The following ZNF567 variants were observed in gnomAD, a reference collection of about 807,000 sequenced individuals.
ZNF567 encodes zinc finger protein 567.
Under a neutral mutation model 53.9 loss-of-function variants are expected in ZNF567, and 36 were observed. That is an observed-to-expected ratio of 0.67 (90% CI 0.51 to 0.88). The LOEUF is 0.88. ZNF567 is among the 40% of genes least tolerant of loss of function. The pLI is 0.00. For synonymous variants in ZNF567, 224 were observed against 260.4 expected (o/e 0.86, Z 1.35); for missense variants, 619 against 764.7 (o/e 0.81, Z 2.25).
chr19:36,720,414 C>T lies in ZNF567; in HGVS notation c.1690C>T (p.Pro564Ser). 2 of 1,614,002 alleles carry T rather than the reference C, an allele frequency of 1.2e-6. No individual in the cohort carries two copies. The highest frequency in any genetic ancestry group is 1.3e-5 in the African/African-American group (1 of 74,998). Residue 564 changes from proline (P) to serine (S), a missense_variant, in exon 6 of 6, where the codon CCT (proline) becomes TCT (serine). Pro to Ser is a moderately conservative substitution (Grantham distance 74, BLOSUM62 -1). Coordinates refer to ENST00000682579, the MANE Select transcript of ZNF567 (RefSeq NM_001322917.1). Reference protein sequence around the residue: ...IHTGQKSYECPQCGKAFSRKS... With the variant: ...IHTGQKSYECSQCGKAFSRKS... ...TACCGGCCAGAAATCCTATGAATGT[C>T]CTCAGTGTGGGAAAGCCTTTAGCAG...
intron 3 of ZNF567, among the ~76,000 whole-genome samples, chr19:36,702,432 T>C (rs1055917436): frequency 9.2e-5 from 14 of 151,858 alleles, no homozygotes; most frequent in Non-Finnish European, 1.9e-4. Flanking sequence ...GGAGTATCTT[T>C]GTGGCATTCT....
downstream of ZNF567, among the ~76,000 whole-genome samples, chr19:36,724,565 C>T (rs1014406554): frequency 6.6e-6 from 1 of 151,684 alleles, no homozygotes; most frequent in East Asian, 2.0e-4. Flanking sequence ...GCCTGTAATC[C>T]CAGCTACTCT....
chr19:36,696,503 C>T (rs530344779), intron 3 of ZNF567, among the ~76,000 whole-genome samples: 1 of 152,268 alleles, frequency 6.6e-6, no homozygotes, highest in South Asian at 2.1e-4. Flanking sequence ...CTCCTTCTGC[C>T]CATCCTATCC....
chr19:36,712,998 TG>T (rs1417700114), intron 5 of ZNF567, 131 bp downstream of exon 5: 6 of 709,772 alleles, frequency 8.5e-6, no homozygotes, highest in Admixed American at 3.1e-5. Flanking sequence ...AAAACCTTCA[TG>T]CCTATAAAAC....
chr19:36,689,488 A>G lies in ZNF567; in HGVS notation c.-76A>G, dbSNP rs899549761. 2.6e-5 allele frequency: 4 copies of G among 152,120 alleles called. No homozygotes were observed. The highest frequency in any genetic ancestry group is 9.7e-5 in the African/African-American group (4 of 41,406). 9.4% of individuals were successfully genotyped at this position (152,120 alleles called of 1,614,324 possible). ...AGAGGCTAACATGACTGATACCACT[A>G]TAATTTAGTGTAAGTCATCTCTTAC... On this transcript the variant is annotated 5_prime_UTR_variant, in exon 2 of 6. Coordinates refer to ENST00000682579, the MANE Select transcript of ZNF567 (RefSeq NM_001322917.1).
intron 3 of ZNF567, among the ~76,000 whole-genome samples, chr19:36,702,976 G>C (rs924703437): frequency 6.6e-6 from 1 of 151,552 alleles, no homozygotes; most frequent in African/African-American, 2.4e-5. Context: ...GAGGAACTGT[G>C]TTCCTTTGGA....
intron 5 of ZNF567, among the ~76,000 whole-genome samples, chr19:36,714,721 A>G (rs2039959502): frequency 6.6e-6 from 1 of 152,178 alleles, no homozygotes; most frequent in East Asian, 1.9e-4. Flanking sequence ...ATGGCTTTTC[A>G]TCATTCCTGC....
chr19:36,706,592 C>A (rs2039499492), intron 3 of ZNF567, among the ~76,000 whole-genome samples: 1 of 151,760 alleles, frequency 6.6e-6, no homozygotes, highest in Non-Finnish European at 1.5e-5. Flanking sequence ...CTGTGCCTGG[C>A]CTACACCTGA....
the ZNF567 span, among the ~76,000 whole-genome samples, chr19:36,674,289 A>G: frequency 2.6e-5 from 4 of 152,240 alleles, no homozygotes; most frequent in African/African-American, 9.6e-5. Context: ...TTACTAAGAT[A>G]TAATTGCTGC....
intron 3 of ZNF567, among the ~76,000 whole-genome samples, chr19:36,706,324 C>A (rs1485459651): frequency 6.6e-6 from 1 of 152,184 alleles, no homozygotes; most frequent in African/African-American, 2.4e-5. Context: ...GATAGGGCCT[C>A]GCTTTGTAGC....
chr19:36,696,737 C>T (rs2038909471), intron 3 of ZNF567, among the ~76,000 whole-genome samples: 1 of 152,234 alleles, frequency 6.6e-6, no homozygotes, highest in Admixed American at 6.5e-5. Flanking sequence ...TTTTCCACTT[C>T]TCCAAGGGCT....
chr19:36,694,389 A>C (rs1045835319), intron 2 of ZNF567, among the ~76,000 whole-genome samples: 1 of 152,334 alleles, frequency 6.6e-6, no homozygotes, highest in African/African-American at 2.4e-5. Context: ...CTAGAACCAC[A>C]ATTTACATGT....
intron 5 of ZNF567, among the ~76,000 whole-genome samples, chr19:36,718,179 C>T (rs1000923168): frequency 2.0e-5 from 3 of 152,102 alleles, no homozygotes; most frequent in Admixed American, 2.0e-4. Flanking sequence ...TGTTTTACCA[C>T]AGTCATCTAG....
At chr19:36,727,006 CTTT>C (rs768571155), downstream of ZNF567, 16 of 60,058 alleles carry the variant, frequency 2.7e-4, no homozygotes, top group Non-Finnish European at 4.1e-4. Context: ...TTCTTTCTTT[CTTT>C]CCTTTTTTTT....
the ZNF567 span, among the ~76,000 whole-genome samples, chr19:36,670,871 G>C: frequency 0.054 from 8,173 of 152,232 alleles, 632 homozygotes; most frequent in African/African-American, 0.17. Context: ...GGAGGCCAAG[G>C]CATGTGGATC....
In ZNF567 at chr19:36,720,366, C is replaced by G; in HGVS notation, c.1642C>G (p.Leu548Val). 6.2e-7 allele frequency: 1 copy of G among 1,614,198 alleles called. No homozygotes were observed. The highest frequency in any genetic ancestry group is 8.5e-7 in the Non-Finnish European group (1 of 1,180,042). ...GAAGTCCTTTCGCCAGAAAGCAACC[C>G]TCACTGTACATCAGAAAATACATAC... ...CGKSFRQKAT[L>V]TVHQKIHTGQ... The change falls in exon 6 of 6, where the codon CTC (leucine) becomes GTC (valine). Residue 548 changes from leucine to valine, a missense_variant. Physicochemically the swap from Leu to Val is conservative, Grantham distance 32. Transcript: ENST00000682579.
chr19:36,676,707 T>C, the ZNF567 span, among the ~76,000 whole-genome samples: 1 of 152,136 alleles, frequency 6.6e-6, no homozygotes, highest in African/African-American at 2.4e-5. Context: ...TATAAGGATG[T>C]GATGTCAGAG....
At chr19:36,716,376 T>A (rs566386350) in intron 5 of ZNF567, among the ~76,000 whole-genome samples, 2 of 152,340 alleles carry the variant, frequency 1.3e-5, no homozygotes, top group South Asian at 4.1e-4. Context: ...GCACATCATA[T>A]CTACCTTCCT....
rs2040027772 is a variant in ZNF567, at chr19:36,715,615, C to T, written c.223+2748C>T. Among the ~76,000 whole-genome samples the T allele has an allele frequency of 2.7e-5, 4 of 150,620 alleles. No individual in the cohort carries two copies. The South Asian group carries it at 8.4e-4, about 32-fold the overall frequency. On this transcript the variant is annotated intron_variant, in intron 5 of 5. Coordinates refer to ENST00000682579, the MANE Select transcript of ZNF567 (RefSeq NM_001322917.1). ...CTCGATCTCGACTCACCGCAACCTC[C>T]GGCTCCCAGGTTCAAGCAATTCTTC...
Sources: gnomAD v4.1 joint callset for allele counts (sites outside exome capture counted in the v4.1 genomes callset) on GRCh38, gnomAD v4.1.1 for gene constraint, MANE v1.5 for transcripts, NCBI Gene and HGNC (gene_info 2026-07-23, HGNC 2026-07-21) for gene names.